The following GAS2L2 variants were observed in gnomAD, a reference collection of about 807,000 sequenced individuals.
GAS2L2 encodes GAS2-like protein 2.
Under a neutral mutation model 35.2 loss-of-function variants are expected in GAS2L2, and 21 were observed. That is an observed-to-expected ratio of 0.60 (90% CI 0.42 to 0.86). The LOEUF (loss-of-function observed/expected upper bound fraction) is 0.86. Ranked by LOEUF, GAS2L2 falls within the 40% of genes least tolerant of loss-of-function variation. The pLI is 0.00. For synonymous variants in GAS2L2, 490 were observed against 473.2 expected (o/e 1.04, Z -0.46); for missense variants, 1,169 against 1,144.4 (o/e 1.02, Z -0.31).
rs199921910 is a variant in GAS2L2 at position 35,745,966 on chromosome 17, G to C, written c.1531C>G (p.Arg511Gly). The C allele has an allele frequency of 6.2e-7, 1 of 1,605,078 alleles. No individual in the cohort carries two copies. Among genetic ancestry groups the C allele is most frequent in the African/African-American group, 1.3e-5 (1 of 74,718 alleles). The change falls in exon 6 of 6, where the codon CGC (arginine) becomes GGC (glycine). Residue 511 changes from arginine to glycine, a missense_variant. Physicochemically the swap from Arg to Gly is moderately radical, Grantham distance 125. Around this residue, in one of 3 missense-constraint regions of GAS2L2, gnomAD observed 1,035 missense variants for 976.5 expected, o/e 1.06. Coordinates refer to ENST00000604641, the MANE Select transcript of GAS2L2 (RefSeq NM_139285.4). The part of the protein sequence containing the change: ...TKIPIRLPPA[R>G]PPTPGRSFPG... ...AAGCTCCTTCCTGGTGTTGGGGGGC[G>C]AGCAGGGGGCAGCCGGATGGGGATC...
Position 35,747,766 on chromosome 17 carries a change from T to A in GAS2L2, c.832+83A>T, listed in dbSNP as rs1258478206. 4 of 1,119,004 alleles carry A rather than the reference T, an allele frequency of 3.6e-6. No homozygotes were observed. The Admixed American group carries it at 5.4e-5, about 15-fold the overall frequency. 69.3% of individuals were successfully genotyped at this position (1,119,004 alleles called of 1,614,324 possible). On this transcript the variant is annotated intron_variant, in intron 4 of 5. Coordinates refer to ENST00000604641, the MANE Select transcript of GAS2L2 (RefSeq NM_139285.4). ...TCCCCTCCTGGAGATCAGACATACC[T>A]CCCACCTCTGCCTCCAGCCTCCCAA...
In GAS2L2 at chr17:35,747,046, C is replaced by A. The variant is rs1232042570; in HGVS notation, c.1055G>T (p.Gly352Val). 3 of 1,597,788 alleles carry A rather than the reference C, an allele frequency of 1.9e-6. No homozygotes were observed. Among genetic ancestry groups the A allele is most frequent in the African/African-American group, 2.7e-5 (2 of 74,524 alleles). Residue 352 changes from glycine to valine, a missense_variant, in exon 5 of 6, where the codon GGG becomes GTG. Transcript: ENST00000604641. ...GAATGGTGCCATCTCTCTGGAGGCC[C>A]CCGTCCCTGCTCCCCGTTCCCTGCG... ...RPRRERGAGT[G>V]ASREMAPFLR...
intron 1 of GAS2L2, among the ~76,000 whole-genome samples, chr17:35,751,848 CTTTTTTTTTT>C (rs587677612): frequency 1.8e-4 from 18 of 99,984 alleles, no homozygotes; most frequent in Admixed American, 1.4e-3. Context: ...CTCTCTCTCT[CTTTTTTTTTT>C]TTTTTTTTTT....
At chr17:35,747,483 T>C (rs782495962) in intron 4 of GAS2L2, among the ~76,000 whole-genome samples, 12 of 152,130 alleles carry the variant, frequency 7.9e-5, no homozygotes, top group South Asian at 2.1e-4. Flanking sequence ...GGTACACAAC[T>C]TTCCCTTAGA....
At chr17:35,748,783 C>T (rs1021757216) in intron 3 of GAS2L2, among the ~76,000 whole-genome samples, 6 of 152,182 alleles carry the variant, frequency 3.9e-5, no homozygotes. Context: ...TGCCTGAGAA[C>T]ATGCTCTAGA....
intron 1 of GAS2L2, among the ~76,000 whole-genome samples, chr17:35,751,170 C>G (rs1262650784): frequency 6.6e-6 from 1 of 152,152 alleles, no homozygotes; most frequent in Non-Finnish European, 1.5e-5. Context: ...ATGTCACTCC[C>G]TGAGCCCTAC....
intron 1 of GAS2L2, among the ~76,000 whole-genome samples, chr17:35,751,029 G>GCCTGA (rs1484877309): frequency 6.6e-6 from 1 of 152,154 alleles, no homozygotes; most frequent in Non-Finnish European, 1.5e-5. Context: ...TCAGTGCCCA[G>GCCTGA]CCACCAGCCA....
At chr17:35,750,601 G>A (rs1040745337) in intron 1 of GAS2L2, among the ~76,000 whole-genome samples, 2 of 152,174 alleles carry the variant, frequency 1.3e-5, no homozygotes, top group Non-Finnish European at 2.9e-5. Context: ...CCTGGAGACT[G>A]GCTGTGACTG....
chr17:35,747,287 A>G lies in GAS2L2; in HGVS notation c.833-19T>C, dbSNP rs1278789747. ...TTGTGTGCTACCAACAGTCCCCCGG[A>G]GAAAGGAGAGGAGAGAAGGGTTCAG... On this transcript the variant is annotated intron_variant, in intron 4 of 5. Transcript: ENST00000604641. 1.9e-6 allele frequency: 3 copies of G among 1,594,850 alleles called. No homozygotes were observed. Among genetic ancestry groups the G allele is most frequent in the Admixed American group, 3.4e-5 (2 of 58,576 alleles).
chr17:35,750,876 C>A (rs943420003), intron 1 of GAS2L2, among the ~76,000 whole-genome samples: 5 of 152,208 alleles, frequency 3.3e-5, no homozygotes, highest in Non-Finnish European at 7.3e-5. Context: ...TCAGTTTCCT[C>A]TTCTGTAAAA....
chr17:35,745,841 G>A lies in GAS2L2; in HGVS notation c.1656C>T (p.Asp552=). The A allele has an allele frequency of 1.2e-6, 2 of 1,613,850 alleles. No individual in the cohort carries two copies. The highest frequency in any genetic ancestry group is 1.7e-6 in the Non-Finnish European group (2 of 1,180,030). ...TVDLAGSTHG[D]CSVEVRQEDQ... ...CCTCCTGCCTCACTTCCACAGAGCA[G>A]TCCCCATGCGTGGACCCAGCCAGGT... The change falls in exon 6 of 6, where the codon GAC becomes GAT. Residue 552 remains aspartate (D), a synonymous_variant. Coordinates refer to ENST00000604641, the MANE Select transcript of GAS2L2 (RefSeq NM_139285.4).
chr17:35,744,785 G>A lies in GAS2L2; in HGVS notation c.*69C>T, dbSNP rs1555598527. ...GTGAGGGAACATCCCTTCTGTTCCC[G>A]CAGCTGTGAATCCAGTGTATACATG... On this transcript the variant is annotated 3_prime_UTR_variant, in exon 6 of 6. Coordinates refer to ENST00000604641, the MANE Select transcript of GAS2L2 (RefSeq NM_139285.4). 1.8e-5 allele frequency: 22 copies of A among 1,202,944 alleles called. No individual in the cohort carries two copies. Among genetic ancestry groups the A allele is most frequent in the Admixed American group, 4.5e-5 (2 of 44,840 alleles). 74.5% of individuals were successfully genotyped at this position (1,202,944 alleles called of 1,614,324 possible).
Position 35,745,080 on chromosome 17 carries a change from G to A in GAS2L2, c.2417C>T (p.Pro806Leu). ...CCTGTCCTTGGGGGGCTGCCTGGCT[G>A]GACCCAGGAAGACATAGGCCAGTGG... Reference protein sequence around the residue: ...PRPLAYVFLGPARQPPKDRLL... With the variant: ...PRPLAYVFLGLARQPPKDRLL... The change falls in exon 6 of 6, where the codon CCA (proline) becomes CTA (leucine). Residue 806 changes from proline (P) to leucine (L), a missense_variant. Transcript: ENST00000604641. 1 of 1,613,754 alleles carries A rather than the reference G, an allele frequency of 6.2e-7. No individual in the cohort carries two copies.
intron 1 of GAS2L2, 89 bp from the exon 2 acceptor site, chr17:35,750,407 G>C: frequency 6.5e-7 from 1 of 1,545,700 alleles, no homozygotes; most frequent in Non-Finnish European, 8.9e-7. Context: ...GGGGAGGAAA[G>C]CACTGGGGTC....
At chr17:35,751,541 G>A (rs587738841) in intron 1 of GAS2L2, among the ~76,000 whole-genome samples, 13 of 151,838 alleles carry the variant, frequency 8.6e-5, no homozygotes, top group South Asian at 2.1e-4. Flanking sequence ...GGTGGCGGGC[G>A]CCTGTAATCC....
In GAS2L2 at chr17:35,745,290, G is replaced by A. The variant is rs587600563; in HGVS notation, c.2207C>T (p.Pro736Leu). 2.2e-5 allele frequency: 35 copies of A among 1,611,754 alleles called. No homozygotes were observed. Among genetic ancestry groups the A allele is most frequent in the Middle Eastern group, 3.3e-4 (2 of 6,060 alleles). ...DCSASTVSAS[P>L]EAPTPSPLDP... ...CAAGGGCGAAGGTGTGGGGGCCTCC[G>A]GGCTGGCAGACACAGTAGAAGCCGA... The change falls in exon 6 of 6, where the codon CCG becomes CTG. Residue 736 changes from proline to leucine, a missense_variant. By Grantham distance (98) the Pro-to-Leu change is moderately conservative (BLOSUM62 -3). Coordinates refer to ENST00000604641, the MANE Select transcript of GAS2L2 (RefSeq NM_139285.4).
chr17:35,747,266 G>A lies in GAS2L2; in HGVS notation c.835C>T (p.His279Tyr), dbSNP rs1555599154. 6 of 1,609,246 alleles carry A rather than the reference G, an allele frequency of 3.7e-6. No homozygotes were observed. The highest frequency in any genetic ancestry group is 5.1e-6 in the Non-Finnish European group (6 of 1,177,282). ...GGCTTCAGGAAGCTGCCTGGCTTGT[G>A]TGCTACCAACAGTCCCCCGGAGAAA... ...HDPCRCTSLS[H>Y]KPGSFLKPPA... The change falls in exon 5 of 6, where the codon CAC becomes TAC. Residue 279 changes from histidine to tyrosine, a missense_variant and splice_region_variant. This residue lies in a region of GAS2L2 where 1,035 missense variants were observed against 976.5 expected (regional missense o/e 1.06). Transcript: ENST00000604641.
At chr17:35,748,358 C>T (rs1022120601) in intron 3 of GAS2L2, among the ~76,000 whole-genome samples, 5 of 152,262 alleles carry the variant, frequency 3.3e-5, no homozygotes, top group African/African-American at 1.2e-4. Flanking sequence ...TCTCTTCAAG[C>T]TTCAGCTTCC....
Position 35,746,312 on chromosome 17 carries a change from T to C in GAS2L2, c.1185A>G (p.Pro395=). The C allele has an allele frequency of 7.1e-7, 1 of 1,410,578 alleles. No individual in the cohort carries two copies. The highest frequency in any genetic ancestry group is 1.4e-5 in the African/African-American group (1 of 70,186). The allele number at this position is 1,410,578 out of a possible 1,614,324, so 87.4% of individuals were successfully genotyped here. A position where few individuals can be genotyped will look rare whatever the true frequency, so the allele number is the denominator to read the frequency against. ...QSSSTQKGRD[P]QCTSSGKREE... ...CCCTCTTTCCTGACGAGGTACACTG[T>C]GGGTCTCGGCCTTTTTGGGTAGATG... The change falls in exon 6 of 6, where the codon CCA becomes CCG. Residue 395 remains proline (P), a synonymous_variant. Transcript: ENST00000604641.
Sources: gnomAD v4.1 joint callset for allele counts (sites outside exome capture counted in the v4.1 genomes callset) on GRCh38, gnomAD v4.1.1 for gene constraint, gnomAD v4.1.1 regional missense constraint, MANE v1.5 for transcripts, NCBI Gene and HGNC (gene_info 2026-07-23, HGNC 2026-07-21) for gene names.